Variants in TXNDC12 observed in about 807,000 individuals in gnomAD.
TXNDC12 encodes thioredoxin domain-containing protein 12.
Under a neutral mutation model 24.2 loss-of-function variants are expected in TXNDC12, and 22 were observed. That is an observed-to-expected ratio of 0.91 (90% CI 0.65 to 1.30). The LOEUF (loss-of-function observed/expected upper bound fraction) is 1.30. TXNDC12 is among the 50% of genes most tolerant of loss of function. The pLI is 0.00. For missense variants in TXNDC12, 184 were observed against 205.8 expected (o/e 0.89, Z 0.65); for synonymous variants, 58 against 73.4 (o/e 0.79, Z 1.07).
chr1:52,020,767 A>G lies in TXNDC12; in HGVS notation c.*166T>C. The G allele has an allele frequency of 1.7e-6, 1 of 573,858 alleles. No homozygotes were observed. Among genetic ancestry groups the G allele is most frequent in the African/African-American group, 1.9e-5 (1 of 53,294 alleles). 35.5% of individuals were successfully genotyped at this position (573,858 alleles called of 1,614,324 possible). ...CGCTGGATCCACAAACATGCAGACC[A>G]GCTTCTGTTAGCAGAACTCTTCCAC... On this transcript the variant is annotated 3_prime_UTR_variant, in exon 7 of 7. Transcript: ENST00000371626.
chr1:52,037,492 T>C (rs970933275), intron 2 of TXNDC12, among the ~76,000 whole-genome samples: 17 of 152,138 alleles, frequency 1.1e-4, no homozygotes, highest in Admixed American at 1.0e-3. Flanking sequence ...ATTACAGGCA[T>C]GAGCCACTGG....
chr1:52,046,869 ATAT>A (rs1557998376), intron 1 of TXNDC12, among the ~76,000 whole-genome samples: 354 of 17,772 alleles, frequency 0.02, 1 homozygote, highest in Middle Eastern at 0.038. Flanking sequence ...AAAAAAAAAT[ATAT>A]ATATATATAT....
intron 2 of TXNDC12, chr1:52,033,104 C>T (rs1344606450): frequency 1.2e-6 from 2 of 1,611,388 alleles, no homozygotes; most frequent in Admixed American, 1.7e-5. Flanking sequence ...TTCCGAGAAT[C>T]GGGAGCCTCA....
intron 1 of TXNDC12, among the ~76,000 whole-genome samples, chr1:52,048,896 C>T (rs557713056): frequency 6.6e-6 from 1 of 152,072 alleles, no homozygotes; most frequent in Non-Finnish European, 1.5e-5. Flanking sequence ...AATAAATTCT[C>T]CATGTACCTA....
chr1:52,023,982 A>G (rs1042960524), intron 5 of TXNDC12, among the ~76,000 whole-genome samples: 2 of 151,326 alleles, frequency 1.3e-5, no homozygotes, highest in Non-Finnish European at 1.5e-5. Context: ...TGAATAAATG[A>G]TCAAACTCTT....
chr1:52,048,681 A>G (rs1686143708), intron 1 of TXNDC12, among the ~76,000 whole-genome samples: 1 of 151,828 alleles, frequency 6.6e-6, no homozygotes, highest in Admixed American at 6.6e-5. Context: ...AGCCTGGCCA[A>G]CCCCATCTCT....
intron 2 of TXNDC12, chr1:52,033,733 G>C (rs763503707): frequency 2.5e-6 from 4 of 1,606,598 alleles, no homozygotes; most frequent in Non-Finnish European, 3.4e-6. Context: ...GCCGCTGTAC[G>C]GCAGCCCGCA....
chr1:52,041,565 C>G lies in TXNDC12; in HGVS notation c.130G>C (p.Glu44Gln). The G allele has an allele frequency of 6.2e-7, 1 of 1,612,782 alleles. No individual in the cohort carries two copies. The highest frequency in any genetic ancestry group is 8.5e-7 in the Non-Finnish European group (1 of 1,179,272). The change falls in exon 2 of 7, where the codon GAA becomes CAA. Residue 44 changes from glutamate to glutamine, a missense_variant. Coordinates refer to ENST00000371626, the MANE Select transcript of TXNDC12 (RefSeq NM_015913.4). ...FGDHIHWRTLEDGKKEAAASG... is the reference protein window; with the variant it reads ...FGDHIHWRTLQDGKKEAAASG... ...GCAGCTGCTTCTTTCTTCCCATCTT[C>G]CAGTGTCCTCCAATGAATATGATCT...
intron 2 of TXNDC12, among the ~76,000 whole-genome samples, chr1:52,034,385 G>A (rs1685843227): frequency 6.6e-6 from 1 of 152,192 alleles, no homozygotes; most frequent in Admixed American, 6.5e-5. Context: ...AAGACTTTAT[G>A]TAGAAATAGT....
chr1:52,051,739 A>G (rs1400754851), intron 1 of TXNDC12: 3 of 169,250 alleles, frequency 1.8e-5, no homozygotes, highest in Non-Finnish European at 4.4e-5. Context: ...CTTCTTAATG[A>G]AAACAGTAGA....
chr1:52,049,572 C>T (rs1023854439), intron 1 of TXNDC12, among the ~76,000 whole-genome samples: 1 of 152,136 alleles, frequency 6.6e-6, no homozygotes, highest in African/African-American at 2.4e-5. Flanking sequence ...GGCAACAGAG[C>T]AAGACTGTCT....
At chr1:52,053,876 T>C (rs188816570) in intron 1 of TXNDC12, among the ~76,000 whole-genome samples, 56 of 152,284 alleles carry the variant, frequency 3.7e-4, no homozygotes, top group Admixed American at 9.1e-4. Flanking sequence ...CTACTTCCTA[T>C]TCCATCACAG....
Position 52,041,533 on chromosome 1 carries a change from G to A in TXNDC12, c.158+4C>T. On this transcript the variant is annotated splice_donor_region_variant and intron_variant, in intron 2 of 6. Coordinates refer to ENST00000371626, the MANE Select transcript of TXNDC12 (RefSeq NM_015913.4). ...CATAAATGACCTAAAACCATGTCTT[G>A]TACCTGGCAGCTGCTTCTTTCTTCC... is the stretch of plus-strand genomic sequence containing the variant. 1 of 1,608,120 alleles carries A rather than the reference G, an allele frequency of 6.2e-7. No homozygotes were observed. The highest frequency in any genetic ancestry group is 8.5e-7 in the Non-Finnish European group (1 of 1,175,166).
chr1:52,043,552 C>T (rs1327225776), intron 1 of TXNDC12, among the ~76,000 whole-genome samples: 1 of 152,140 alleles, frequency 6.6e-6, no homozygotes, highest in African/African-American at 2.4e-5. Flanking sequence ...TCTCTGTATG[C>T]TTGTTTTCTC....
intron 1 of TXNDC12, among the ~76,000 whole-genome samples, chr1:52,049,322 G>T (rs1050632211): frequency 2.6e-5 from 4 of 152,102 alleles, no homozygotes; most frequent in Non-Finnish European, 5.9e-5. Flanking sequence ...ATAGTCCACT[G>T]TGGCTGGGCG....
chr1:52,033,171 C>T lies in TXNDC12; in HGVS notation c.159-4541G>A, dbSNP rs151161277. 66 of 1,614,126 alleles carry T rather than the reference C, an allele frequency of 4.1e-5. No homozygotes were observed. The African/African-American group carries it at 7.1e-4, about 17-fold the overall frequency. On this transcript the variant is annotated intron_variant, in intron 2 of 6. Coordinates refer to ENST00000371626, the MANE Select transcript of TXNDC12 (RefSeq NM_015913.4). Reference sequence around the variant, plus strand: ...GAGAGTAAAAGGCACCGGACCCATGCTTTGCAGATTTCTCTGAATCCGGAG... The same window carrying T: ...GAGAGTAAAAGGCACCGGACCCATGTTTTGCAGATTTCTCTGAATCCGGAG...
chr1:52,024,323 G>A (rs1406014209), intron 5 of TXNDC12, among the ~76,000 whole-genome samples, 187 bp downstream of exon 5: 4 of 152,154 alleles, frequency 2.6e-5, no homozygotes, highest in Non-Finnish European at 5.9e-5. Flanking sequence ...AAAGCAGTTA[G>A]TTAATGGGAA....
intron 2 of TXNDC12, among the ~76,000 whole-genome samples, chr1:52,035,715 A>T (rs1344043351): frequency 6.6e-6 from 1 of 152,146 alleles, no homozygotes; most frequent in Admixed American, 6.6e-5. Flanking sequence ...TCTGTCTCAA[A>T]CAAAAAAAAA....
chr1:52,047,067 C>T (rs1298265476), intron 1 of TXNDC12, among the ~76,000 whole-genome samples: 1 of 151,644 alleles, frequency 6.6e-6, no homozygotes, highest in East Asian at 1.9e-4. Flanking sequence ...TTTGCTGTAC[C>T]AGGGACAACT....
Sources: allele counts gnomAD v4.1 joint callset (sites outside exome capture counted in the v4.1 genomes callset), GRCh38; gene constraint gnomAD v4.1.1; transcripts MANE v1.5; gene names NCBI Gene and HGNC (gene_info 2026-07-23, HGNC 2026-07-21).